The following TMEM74 variants were observed in gnomAD, a reference collection of about 807,000 sequenced individuals.
The protein encoded by TMEM74 is transmembrane protein 74.
TMEM74 carries 13 observed loss-of-function variants against 18.1 expected under a neutral mutation model. The ratio of observed to expected loss-of-function variants is 0.72; its 90% CI spans 0.47 to 1.14. The LOEUF (loss-of-function observed/expected upper bound fraction) is 1.14, where lower values mean the gene tolerates loss of function less well. Among genes scored for constraint, TMEM74 ranks in the 50% most tolerant of loss-of-function variants. TMEM74 has a pLI of 0.00. For missense variants in TMEM74, 372 were observed against 375.9 expected, an observed-to-expected ratio of 0.99 and a Z score of 0.09; for synonymous variants, 159 against 146.6, an observed-to-expected ratio of 1.08 and a Z score of -0.61.
Position 108,781,183 on chromosome 8 carries a change from A to C in TMEM74, c.*2998T>G, listed in dbSNP as rs1348885049. Among the ~76,000 whole-genome samples, 1 of 152,158 alleles carries C rather than the reference A, an allele frequency of 6.6e-6. No individual in the cohort carries two copies. Among genetic ancestry groups the C allele is most frequent in the Non-Finnish European group, 1.5e-5 (1 of 68,026 alleles). On this transcript the variant is annotated 3_prime_UTR_variant, in exon 2 of 2. Transcript: ENST00000297459. ...GCTAAAGACCTAGAACCACTGAAAT[A>C]TGTTTTTCTTCTCTAGGACTAGCAA...
chr8:108,659,109 C>T (rs1445576403), intron 1 of TMEM74, among the ~76,000 whole-genome samples: 2 of 151,972 alleles, frequency 1.3e-5, no homozygotes. Flanking sequence ...ATGTGATAAA[C>T]CAACAAGTAA....
At chr8:108,742,469 A>G (rs144062361) in intron 1 of TMEM74, among the ~76,000 whole-genome samples, 41 of 152,348 alleles carry the variant, frequency 2.7e-4, no homozygotes, top group African/African-American at 9.1e-4. Flanking sequence ...TACGAAGCAT[A>G]GTTCTCAACA....
chr8:108,741,899 A>G (rs1254635796), intron 1 of TMEM74, among the ~76,000 whole-genome samples: 1 of 152,160 alleles, frequency 6.6e-6, no homozygotes, highest in African/African-American at 2.4e-5. Flanking sequence ...ATCAACCTAA[A>G]TGCCCATCAT....
intron 1 of TMEM74, chr8:108,655,533 C>A (rs558082248): frequency 6.6e-6 from 1 of 151,984 alleles, no homozygotes; most frequent in African/African-American, 2.4e-5. Flanking sequence ...TAGAAAGTGA[C>A]CTTGCAAAGC....
chr8:108,637,205 G>A (rs1350897747), intron 2 of TMEM74, among the ~76,000 whole-genome samples: 1 of 152,038 alleles, frequency 6.6e-6, no homozygotes, highest in Non-Finnish European at 1.5e-5. Context: ...TTCACAATAA[G>A]CTTATAAATC....
At chr8:108,759,352 G>A (rs528855517) in intron 1 of TMEM74, among the ~76,000 whole-genome samples, 10 of 152,130 alleles carry the variant, frequency 6.6e-5, no homozygotes, top group East Asian at 1.9e-4. Context: ...CTATCAAAAC[G>A]TAAAATGCAT....
intron 1 of TMEM74, among the ~76,000 whole-genome samples, chr8:108,712,213 A>G (rs1040912750): frequency 1.3e-5 from 2 of 152,176 alleles, no homozygotes; most frequent in Non-Finnish European, 2.9e-5. Context: ...AAAATCAGGT[A>G]TGAGCTTAAC....
chr8:108,759,199 G>C (rs2130660005), intron 1 of TMEM74, among the ~76,000 whole-genome samples: 1 of 152,102 alleles, frequency 6.6e-6, no homozygotes, highest in African/African-American at 2.4e-5. Context: ...ATTCTAATCT[G>C]TACTGCCTTG....
At chr8:108,628,436 T>C (rs532846648) in intron 2 of TMEM74, among the ~76,000 whole-genome samples, 11 of 152,182 alleles carry the variant, frequency 7.2e-5, no homozygotes, top group Non-Finnish European at 7.4e-5. Context: ...TGCAGCTTCA[T>C]CTATGTCCCT....
intron 1 of TMEM74, among the ~76,000 whole-genome samples, chr8:108,741,013 C>T (rs1035462684): frequency 6.6e-6 from 1 of 152,096 alleles, no homozygotes; most frequent in African/African-American, 2.4e-5. Flanking sequence ...CAGTGAAAGT[C>T]AATGAATTAC....
intron 1 of TMEM74, among the ~76,000 whole-genome samples, chr8:108,711,941 A>C (rs189277969): frequency 2.6e-5 from 4 of 152,164 alleles, no homozygotes; most frequent in African/African-American, 7.2e-5. Flanking sequence ...ATATCTATAG[A>C]TATAGATATA....
At chr8:108,693,865 CT>C (rs1303198977) in intron 1 of TMEM74, among the ~76,000 whole-genome samples, 1 of 152,206 alleles carries the variant, frequency 6.6e-6, no homozygotes, top group Non-Finnish European at 1.5e-5. Context: ...CTGGAAATGT[CT>C]ACTTTAATGA....
intron 1 of TMEM74, among the ~76,000 whole-genome samples, chr8:108,709,726 A>G (rs990632576): frequency 5.3e-5 from 8 of 152,180 alleles, no homozygotes; most frequent in Non-Finnish European, 1.2e-4. Context: ...ATACTCCCCA[A>G]AACAAAAAAA....
At chr8:108,723,014 G>A (rs767921415) in intron 1 of TMEM74, among the ~76,000 whole-genome samples, 1 of 152,160 alleles carries the variant, frequency 6.6e-6, no homozygotes. Flanking sequence ...GGATAACAGA[G>A]GTGCAGGTAG....
In TMEM74 at chr8:108,783,711, A is replaced by C. The variant is rs1256569458; in HGVS notation, c.*470T>G. 4 of 152,442 alleles carry C rather than the reference A, an allele frequency of 2.6e-5. No homozygotes were observed. The highest frequency in any genetic ancestry group is 5.9e-5 in the Non-Finnish European group (4 of 68,092). The allele number at this position is 152,442 out of a possible 1,614,324, so 9.4% of individuals were successfully genotyped here. Reference sequence around the variant, plus strand: ...TTTAGTGTTTAGCCAAATTACAAGAAGGATAATTTAGCAAGAAAATGGATA... The same window carrying C: ...TTTAGTGTTTAGCCAAATTACAAGACGGATAATTTAGCAAGAAAATGGATA... On this transcript the variant is annotated 3_prime_UTR_variant, in exon 2 of 2. Transcript: ENST00000297459.
Position 108,784,689 on chromosome 8 carries a change from C to G in TMEM74, c.410G>C (p.Gly137Ala), listed in dbSNP as rs781144539. 2.5e-6 allele frequency: 4 copies of G among 1,614,184 alleles called. No homozygotes were observed. In the Admixed American group the frequency reaches 5.0e-5, roughly 20 times the overall value. Residue 137 changes from glycine (G) to alanine (A), a missense_variant, in exon 2 of 2, where the codon GGG becomes GCG. By Grantham distance (60) the Gly-to-Ala change is moderately conservative (BLOSUM62 0). Coordinates refer to ENST00000297459, the MANE Select transcript of TMEM74 (RefSeq NM_153015.3). The stretch of plus-strand genomic sequence containing the variant: ...ATTTGGATTTTCCCAGCCAAGCTCC[C>G]CAGGGTGATTATGCCCTTTTGCTGA... Reference protein sequence around the residue: ...SPSAKGHNHPGELGWENPNEW... With the variant: ...SPSAKGHNHPAELGWENPNEW...
intron 2 of TMEM74, among the ~76,000 whole-genome samples, chr8:108,617,996 T>A (rs1812402725): frequency 6.6e-6 from 1 of 152,142 alleles, no homozygotes; most frequent in African/African-American, 2.4e-5. Context: ...GATTCATCCC[T>A]ATCTTTACTG....
intron 1 of TMEM74, among the ~76,000 whole-genome samples, chr8:108,680,979 AAGG>A (rs1374027398): frequency 6.6e-6 from 1 of 152,228 alleles, no homozygotes; most frequent in Non-Finnish European, 1.5e-5. Flanking sequence ...GGACCTCTTC[AAGG>A]AGAACTACAA....
At chr8:108,643,956 T>C (rs1418913171) in intron 2 of TMEM74, among the ~76,000 whole-genome samples, 1 of 152,104 alleles carries the variant, frequency 6.6e-6, no homozygotes, top group Non-Finnish European at 1.5e-5. Context: ...ATGCTATTCC[T>C]ATCAAACTAC....
Sources: gnomAD v4.1 joint callset for allele counts (sites outside exome capture counted in the v4.1 genomes callset) on GRCh38, gnomAD v4.1.1 for gene constraint, MANE v1.5 for transcripts, NCBI Gene and HGNC (gene_info 2026-07-23, HGNC 2026-07-21) for gene names.